The following LRRFIP1 variants were observed in gnomAD, a reference collection of about 807,000 sequenced individuals.
LRRFIP1 encodes LRR binding FLII interacting protein 1, also known as leucine-rich repeat flightless-interacting protein 1.
Under a neutral mutation model 104.4 loss-of-function variants are expected in LRRFIP1, and 62 were observed. The ratio of observed to expected loss-of-function variants is 0.59; its 90% CI spans 0.48 to 0.73. The LOEUF is 0.73. LRRFIP1 is among the 30% of genes least tolerant of loss of function. The probability of loss-of-function intolerance (pLI) is 0.00; values close to 1 mark genes in which losing one functional copy is unlikely to be tolerated. For synonymous variants in LRRFIP1, 300 were observed against 299.0 expected, an observed-to-expected ratio of 1.00 and a Z score of -0.03; for missense variants, 796 against 824.5, an observed-to-expected ratio of 0.97 and a Z score of 0.42.
intron 1 of LRRFIP1, among the ~76,000 whole-genome samples, chr2:237,693,430 T>G (rs2092952391): frequency 6.6e-6 from 1 of 152,002 alleles, no homozygotes; most frequent in South Asian, 2.1e-4. Context: ...AGAAGTAGAG[T>G]CTGATGAACT....
chr2:237,739,106 G>A, intron 10 of LRRFIP1, 126 bp from the exon 11 acceptor site: 1 of 712,636 alleles, frequency 1.4e-6, no homozygotes, highest in Non-Finnish European at 2.4e-6. Context: ...TCTTTTCCTT[G>A]CCGTGCGTGG....
intron 20 of LRRFIP1, 22 bp downstream of exon 20, chr2:237,770,014 T>C (rs780082247): frequency 6.3e-7 from 1 of 1,588,402 alleles, no homozygotes; most frequent in East Asian, 2.3e-5. Flanking sequence ...TTTATTACTT[T>C]ACCGGTTCAT....
At chr2:237,663,020 C>G (rs541134333) in intron 1 of LRRFIP1, among the ~76,000 whole-genome samples, 2 of 152,294 alleles carry the variant, frequency 1.3e-5, no homozygotes, top group Admixed American at 1.3e-4. Context: ...GTGCTGCTCT[C>G]TGCCTGCGGG....
In LRRFIP1 at chr2:237,703,787, G is replaced by C. The variant is rs958303833; in HGVS notation, c.97-4757G>C. Among the ~76,000 whole-genome samples, 3 of 152,130 alleles carry C rather than the reference G, an allele frequency of 2.0e-5. No homozygotes were observed. Among genetic ancestry groups the C allele is most frequent in the African/African-American group, 7.2e-5 (3 of 41,514 alleles). On this transcript the variant is annotated intron_variant, in intron 1 of 23. Coordinates refer to ENST00000308482, the MANE Select transcript of LRRFIP1 (RefSeq NM_001137550.2). This position sits in a 1 kb window ranked among gnomAD's most constrained non-coding sequence, Gnocchi z 4.3. ...CCACATTTCAGAAATCCCTCCCACT[G>C]TCTCAAGCAGTGCTGAGACAGCATG...
chr2:237,678,771 G>T (rs555896194), intron 1 of LRRFIP1, among the ~76,000 whole-genome samples: 79 of 152,258 alleles, frequency 5.2e-4, no homozygotes, highest in African/African-American at 1.7e-3. Flanking sequence ...GCCTCCAAAA[G>T]TGCTGGGATT....
chr2:237,717,681 C>G lies in LRRFIP1; in HGVS notation c.202-81C>G. On this transcript the variant is annotated intron_variant, in intron 3 of 23. Coordinates refer to ENST00000308482, the MANE Select transcript of LRRFIP1 (RefSeq NM_001137550.2). This position sits in a 1 kb window ranked among gnomAD's most constrained non-coding sequence, Gnocchi z 4.2. ...ACGGCTGGATGGCGGTTTGGAAATG[C>G]ATGTCAGAACAGTGCCTTAGACAAC... 1.9e-6 allele frequency: 2 copies of G among 1,057,158 alleles called. No individual in the cohort carries two copies. 65.5% of individuals were successfully genotyped at this position (1,057,158 alleles called of 1,614,324 possible). A position where few individuals can be genotyped will look rare whatever the true frequency, so the allele number is the denominator to read the frequency against.
At chr2:237,772,525 A>G in intron 21 of LRRFIP1, 1 of 442,698 alleles carries the variant, frequency 2.3e-6, no homozygotes, top group Non-Finnish European at 4.0e-6. Flanking sequence ...GGCTTTTTTC[A>G]TGCTAATAAA....
chr2:237,629,081 T>C (rs1438865195), intron 1 of LRRFIP1, among the ~76,000 whole-genome samples: 1 of 152,176 alleles, frequency 6.6e-6, no homozygotes, highest in Non-Finnish European at 1.5e-5. Context: ...ACCTTATCAT[T>C]ATTTGTCCAC....
At chr2:237,765,262 TA>T (rs769156778) in intron 19 of LRRFIP1, 580 of 124,710 alleles carry the variant, frequency 4.7e-3, no homozygotes, top group South Asian at 0.01. Flanking sequence ...AAACTCTGTC[TA>T]AAAAAAAAAA....
chr2:237,675,238 G>C (rs2090976546), intron 1 of LRRFIP1, among the ~76,000 whole-genome samples: 1 of 152,156 alleles, frequency 6.6e-6, no homozygotes, highest in Non-Finnish European at 1.5e-5. Context: ...TGTGGTATGA[G>C]GCCTCCTTTG....
At chr2:237,741,697 G>T (rs913292034) in intron 11 of LRRFIP1, among the ~76,000 whole-genome samples, 2 of 151,854 alleles carry the variant, frequency 1.3e-5, no homozygotes, top group African/African-American at 2.4e-5. Flanking sequence ...GTGTAGTGGC[G>T]CATGCCTGTA....
chr2:237,732,278 C>T (rs1371394962), intron 8 of LRRFIP1, among the ~76,000 whole-genome samples: 6 of 152,078 alleles, frequency 3.9e-5, no homozygotes, highest in Non-Finnish European at 8.8e-5. Flanking sequence ...TTTGCGATGC[C>T]GTGAGGGTGT....
intron 1 of LRRFIP1, among the ~76,000 whole-genome samples, chr2:237,688,260 T>G (rs113388739): frequency 0.016 from 2,467 of 152,222 alleles, 54 homozygotes; most frequent in African/African-American, 0.055. Flanking sequence ...GTCAGTTCTG[T>G]GTGTCTACAG....
chr2:237,747,315 G>A (rs2058005985), intron 11 of LRRFIP1, among the ~76,000 whole-genome samples: 1 of 152,206 alleles, frequency 6.6e-6, no homozygotes, highest in Admixed American at 6.5e-5. Flanking sequence ...CAAGGAGTTT[G>A]CAGGAGGGAA....
chr2:237,775,977 A>AT (rs2150940613), intron 23 of LRRFIP1, among the ~76,000 whole-genome samples: 1 of 151,260 alleles, frequency 6.6e-6, no homozygotes, highest in Non-Finnish European at 1.5e-5. Context: ...TTATTTATTT[A>AT]TTTTTTTGAG....
At position 237,627,696 on chromosome 2, in the gene LRRFIP1, C is replaced by T. The variant is rs1252429939; in HGVS notation, c.52C>T (p.Arg18Trp). Residue 18 changes from arginine (R) to tryptophan (W), a missense_variant, in exon 1 of 24, where the codon CGG becomes TGG. Transcript: ENST00000308482. ...SGRKRLPNRE[R>W]LTAEDDALNQ... The stretch of plus-strand genomic sequence containing the variant: ...GCGCAAGCGGCTCCCCAACCGGGAG[C>T]GGCTCACGGCGGAGGACGACGCGCT... The T allele has an allele frequency of 5.8e-6, 8 of 1,368,276 alleles. No individual in the cohort carries two copies. Among genetic ancestry groups the T allele is most frequent in the South Asian group, 4.5e-5 (3 of 65,960 alleles). 84.8% of individuals were successfully genotyped at this position (1,368,276 alleles called of 1,614,324 possible).
At chr2:237,654,559 T>C (rs1325767707) in intron 1 of LRRFIP1, among the ~76,000 whole-genome samples, 1 of 152,078 alleles carries the variant, frequency 6.6e-6, no homozygotes, top group Non-Finnish European at 1.5e-5. Context: ...TATTCCTTTT[T>C]TTTTTTTTTG....
chr2:237,750,322 C>CT (rs2058430117), intron 13 of LRRFIP1, among the ~76,000 whole-genome samples: 1 of 113,370 alleles, frequency 8.8e-6, no homozygotes, highest in Non-Finnish European at 1.9e-5. Context: ...TCTTTTCTTT[C>CT]TTTCTTTTTT....
At chr2:237,726,462 G>A (rs1402258007) in intron 7 of LRRFIP1, among the ~76,000 whole-genome samples, 3 of 152,182 alleles carry the variant, frequency 2.0e-5, no homozygotes, top group Non-Finnish European at 4.4e-5. Flanking sequence ...CCCCTTCCAT[G>A]TGGATTCATG....
Sources: allele counts gnomAD v4.1 joint callset (sites outside exome capture counted in the v4.1 genomes callset), GRCh38; gene constraint gnomAD v4.1.1; non-coding constraint Gnocchi (gnomAD v3.1); transcripts MANE v1.5; gene names NCBI Gene and HGNC (gene_info 2026-07-23, HGNC 2026-07-21).